The following WDR75 variants were observed in gnomAD, a reference collection of about 807,000 sequenced individuals.
WDR75 encodes the protein WD repeat domain 75.
A neutral mutation model predicts 106.1 loss-of-function variants in WDR75; 52 were observed. The observed-to-expected ratio is 0.49, with a 90% confidence interval of 0.39 to 0.62. The LOEUF (loss-of-function observed/expected upper bound fraction) is 0.62, where lower values mean the gene tolerates loss of function less well. Among genes scored for constraint, WDR75 ranks in the 20% least tolerant of loss-of-function variants. The pLI, the probability that WDR75 is intolerant of heterozygous loss-of-function variation, is 0.00. For synonymous variants in WDR75, 333 were observed against 335.5 expected, an observed-to-expected ratio of 0.99 and a Z score of 0.08; for missense variants, 905 against 970.3, an observed-to-expected ratio of 0.93 and a Z score of 0.89.
chr2:189,467,096 C>A (rs111684205), intron 13 of WDR75, among the ~76,000 whole-genome samples: 17 of 152,158 alleles, frequency 1.1e-4, no homozygotes, highest in Non-Finnish European at 1.9e-4. Flanking sequence ...CCAAGACCCC[C>A]CCGCCCCAGT....
At chr2:189,468,226 T>G (rs1353170978) in intron 14 of WDR75, among the ~76,000 whole-genome samples, 1 of 152,158 alleles carries the variant, frequency 6.6e-6, no homozygotes, top group Non-Finnish European at 1.5e-5. Flanking sequence ...CTCTGTTAGA[T>G]GTAAATTGGT....
chr2:189,455,383 A>G lies in WDR75; in HGVS notation c.437A>G (p.Glu146Gly). The G allele has an allele frequency of 6.2e-7, 1 of 1,614,170 alleles. No homozygotes were observed. Among genetic ancestry groups the G allele is most frequent in the Non-Finnish European group, 8.5e-7 (1 of 1,180,008 alleles). The change falls in exon 5 of 21, where the codon GAG (glutamate) becomes GGG (glycine). Residue 146 changes from glutamate to glycine, a missense_variant. Coordinates refer to ENST00000314761, the MANE Select transcript of WDR75 (RefSeq NM_032168.3). ...TCAAGCCAGGAAGTAGAAGCCAAGG[A>G]GCTGTCCTTTGTTTTGGATTACATA... ...KSSSQEVEAK[E>G]LSFVLDYINQ...
At chr2:189,468,090 C>G (rs1299807339) in intron 14 of WDR75, among the ~76,000 whole-genome samples, 1 of 152,176 alleles carries the variant, frequency 6.6e-6, no homozygotes, top group Non-Finnish European at 1.5e-5. Flanking sequence ...GAGATCGTCT[C>G]TAATTCCCAG....
At chr2:189,466,615 G>A (rs1687006544) in intron 13 of WDR75, 33 bp downstream of exon 13, 8 of 1,567,788 alleles carry the variant, frequency 5.1e-6, no homozygotes, top group Non-Finnish European at 6.9e-6. Context: ...TTTAAAGTGT[G>A]CACAATTTTA....
intron 18 of WDR75, among the ~76,000 whole-genome samples, chr2:189,471,263 G>A (rs1168909628): frequency 1.3e-5 from 2 of 152,100 alleles, no homozygotes; most frequent in Non-Finnish European, 2.9e-5. Flanking sequence ...TTCAGATTTA[G>A]GTATTATCTG....
chr2:189,456,784 A>G (rs1223100451), intron 5 of WDR75, among the ~76,000 whole-genome samples: 2 of 152,118 alleles, frequency 1.3e-5, no homozygotes, highest in East Asian at 3.9e-4. Context: ...TAAGCTTGAG[A>G]GTCTAGTTTT....
At chr2:189,461,469 C>T (rs989635078) in intron 8 of WDR75, among the ~76,000 whole-genome samples, 4 of 151,558 alleles carry the variant, frequency 2.6e-5, no homozygotes, top group African/African-American at 9.7e-5. Flanking sequence ...GTCTTTATAT[C>T]CATGAGTTAG....
At chr2:189,459,147 A>T (rs1686807956) in intron 7 of WDR75, among the ~76,000 whole-genome samples, 189 bp from the exon 8 acceptor site, 1 of 152,224 alleles carries the variant, frequency 6.6e-6, no homozygotes, top group South Asian at 2.1e-4. Context: ...GGAGGGTACC[A>T]CAGATGGCAT....
rs1204074990 is a variant in WDR75 at position 189,466,527 on chromosome 2, T to C, written c.1392T>C (p.Ala464=). The part of the protein sequence containing the change: ...EKSEQPTLVT[A]SKDGYFKVWI... ...CTGAACAGCCCACCTTGGTTACAGC[T>C]AGCAAAGATGGTTACTTCAAAGTAT... The change falls in exon 13 of 21, where the codon GCT becomes GCC. Residue 464 remains alanine (A), a synonymous_variant. Transcript: ENST00000314761. 1.2e-6 allele frequency: 2 copies of C among 1,613,206 alleles called. No homozygotes were observed. The highest frequency in any genetic ancestry group is 1.3e-5 in the African/African-American group (1 of 74,874).
At chr2:189,464,047 A>G in intron 11 of WDR75, 86 bp downstream of exon 11, 1 of 1,104,278 alleles carries the variant, frequency 9.1e-7, no homozygotes, top group Non-Finnish European at 1.3e-6. Flanking sequence ...TAGCTTTTAA[A>G]ACAAGATCCT....
rs1388157699 is a variant in WDR75, at chr2:189,475,476, A to G, written c.*59A>G. ...GTTTTTGATTGTATGTTGATATTCT[A>G]AAAACATCTATTTTAATGTTATTTC... is the stretch of plus-strand genomic sequence containing the variant. On this transcript the variant is annotated 3_prime_UTR_variant, in exon 21 of 21. Coordinates refer to ENST00000314761, the MANE Select transcript of WDR75 (RefSeq NM_032168.3). 2 of 992,016 alleles carry G rather than the reference A, an allele frequency of 2.0e-6. No individual in the cohort carries two copies. Among genetic ancestry groups the G allele is most frequent in the East Asian group, 2.6e-5 (1 of 38,782 alleles). The allele number at this position is 992,016 out of a possible 1,614,324, so 61.5% of individuals were successfully genotyped here.
rs201806333 is a variant in WDR75, at chr2:189,467,501, G to A, written c.1481G>A (p.Gly494Asp). ...KAVGWTCDFV[G>D]SYHKYQATNC... The stretch of plus-strand genomic sequence containing the variant: ...GTTGGCTGGACCTGTGACTTTGTTG[G>A]TAGTTATCACAAGTATCAAGCAACT... The change falls in exon 14 of 21, where the codon GGT becomes GAT. Residue 494 changes from glycine (G) to aspartate (D), a missense_variant. By Grantham distance (94) the Gly-to-Asp change is moderately conservative. Transcript: ENST00000314761. The A allele has an allele frequency of 2.5e-6, 4 of 1,603,890 alleles. No homozygotes were observed. The South Asian group carries it at 4.5e-5, about 18-fold the overall frequency.
chr2:189,453,728 T>C (rs1211453950), intron 4 of WDR75, among the ~76,000 whole-genome samples: 1 of 152,200 alleles, frequency 6.6e-6, no homozygotes, highest in African/African-American at 2.4e-5. Context: ...AAAGATCCCC[T>C]GTGCTAGCTG....
Position 189,459,347 on chromosome 2 carries a change from A to G in WDR75, c.701A>G (p.Tyr234Cys). ...TCTTTCTCCAATAGGAGGAATTTTT[A>G]TGATGATAAGAAATATACGTACACA... ...DGKIRLWRNF[Y>C]DDKKYTYTCL... Residue 234 changes from tyrosine (Y) to cysteine (C), a missense_variant, in exon 8 of 21, where the codon TAT becomes TGT. Coordinates refer to ENST00000314761, the MANE Select transcript of WDR75 (RefSeq NM_032168.3). The G allele has an allele frequency of 6.2e-7, 1 of 1,607,254 alleles. No homozygotes were observed. Among genetic ancestry groups the G allele is most frequent in the Non-Finnish European group, 8.5e-7 (1 of 1,178,628 alleles).
chr2:189,464,117 C>A, intron 11 of WDR75, 156 bp downstream of exon 11: 1 of 673,712 alleles, frequency 1.5e-6, no homozygotes, highest in Non-Finnish European at 2.5e-6. Context: ...TTGTTCAGAG[C>A]ATAATTCCAT....
intron 8 of WDR75, among the ~76,000 whole-genome samples, chr2:189,461,422 A>C (rs1422010544): frequency 6.6e-6 from 1 of 152,118 alleles, no homozygotes; most frequent in African/African-American, 2.4e-5. Context: ...TGAGTATTTT[A>C]ATTTGTAATC....
intron 11 of WDR75, 41 bp from the exon 12 acceptor site, chr2:189,465,038 T>C: frequency 7.2e-7 from 1 of 1,395,108 alleles, no homozygotes; most frequent in Non-Finnish European, 9.9e-7. Context: ...TGTATTTATG[T>C]TAATAAACAT....
Position 189,457,363 on chromosome 2 carries a change from A to G in WDR75, c.551A>G (p.Lys184Arg), listed in dbSNP as rs773185884. ...TTTTACTTGTCTGTTTATTTTTTCA[A>G]AAAGAAAACAACATCAAGGTAAGAA... ...REFYLSVYFF[K>R]KKTTSRFTLS... The change falls in exon 6 of 21, where the codon AAA becomes AGA. Residue 184 changes from lysine (K) to arginine (R), a missense_variant. Transcript: ENST00000314761. 6.3e-7 allele frequency: 1 copy of G among 1,598,016 alleles called. No homozygotes were observed. The highest frequency in any genetic ancestry group is 8.6e-7 in the Non-Finnish European group (1 of 1,166,494).
chr2:189,446,550 C>T (rs933628346), intron 1 of WDR75, among the ~76,000 whole-genome samples: 1 of 152,170 alleles, frequency 6.6e-6, no homozygotes, highest in Non-Finnish European at 1.5e-5. Context: ...TTATAAGATG[C>T]ATTCTAATTT....
Sources: gnomAD v4.1 joint callset for allele counts (sites outside exome capture counted in the v4.1 genomes callset) on GRCh38, gnomAD v4.1.1 for gene constraint, MANE v1.5 for transcripts, NCBI Gene and HGNC (gene_info 2026-07-23, HGNC 2026-07-21) for gene names.